Variants in C3orf18 observed in about 807,000 individuals in gnomAD.
The protein encoded by C3orf18 is uncharacterized protein C3orf18.
In C3orf18, 12 loss-of-function variants were observed where a neutral mutation model predicts 14.1. The ratio of observed to expected loss-of-function variants is 0.85; its 90% CI spans 0.55 to 1.38. The LOEUF is 1.38. Among genes scored for constraint, C3orf18 ranks in the 40% most tolerant of loss-of-function variants. The pLI is 0.00. For missense variants in C3orf18, 196 were observed against 213.9 expected, an observed-to-expected ratio of 0.92 and a Z score of 0.52; for synonymous variants, 82 against 87.9, an observed-to-expected ratio of 0.93 and a Z score of 0.38.
chr3:50,571,286 G>A (rs781100391), upstream of C3orf18: 3 of 1,611,870 alleles, frequency 1.9e-6, no homozygotes, highest in South Asian at 3.3e-5. Context: ...CCTGAGGCCC[G>A]GGAATCCAGT....
upstream of C3orf18, chr3:50,571,907 G>C: frequency 3.0e-6 from 4 of 1,352,808 alleles, no homozygotes; most frequent in Non-Finnish European, 4.2e-6. Flanking sequence ...AAGGACTAGG[G>C]AGGTGTTGGG....
Position 50,558,212 on chromosome 3 carries a change from C to A in C3orf18, c.*1445G>T. ...TGGGGGCTTCCTAGGCCTTTCCCTC[C>A]TGACACATGGCATTTGCCCAGTGGA... On this transcript the variant is annotated 3_prime_UTR_variant, in exon 6 of 6. Transcript: ENST00000357203. 6.4e-6 allele frequency: 1 copy of A among 156,382 alleles called. No individual in the cohort carries two copies. Among genetic ancestry groups the A allele is most frequent in the Admixed American group, 6.2e-5 (1 of 16,118 alleles). The allele number at this position is 156,382 out of a possible 1,614,324, so 9.7% of individuals were successfully genotyped here.
Position 50,565,846 on chromosome 3 carries a change from C to T in C3orf18, c.-147G>A, listed in dbSNP as rs978647393. 4.9e-6 allele frequency: 3 copies of T among 610,242 alleles called. No individual in the cohort carries two copies. Among genetic ancestry groups the T allele is most frequent in the Non-Finnish European group, 8.7e-6 (3 of 345,592 alleles). The allele number at this position is 610,242 out of a possible 1,614,324, so 37.8% of individuals were successfully genotyped here. A position where few individuals can be genotyped will look rare whatever the true frequency, so the allele number is the denominator to read the frequency against. The stretch of plus-strand genomic sequence containing the variant: ...CCACCTCCTTGGATAAAGGGAGCCC[C>T]CTGCCTTCCTGGGTGCTAGAAAGGA... On this transcript the variant is annotated 5_prime_UTR_variant, in exon 3 of 6. Coordinates refer to ENST00000357203, the MANE Select transcript of C3orf18 (RefSeq NM_016210.5). The surrounding 1 kb of genome is among the most constrained non-coding windows in gnomAD (Gnocchi z 4.4).
At chr3:50,567,281 C>T (rs1700368523) in intron 1 of C3orf18, among the ~76,000 whole-genome samples, 182 bp downstream of exon 1, 1 of 152,206 alleles carries the variant, frequency 6.6e-6, no homozygotes, top group African/African-American at 2.4e-5. Context: ...CCAGGCCTGC[C>T]TCAGGGTCCA....
Position 50,560,938 on chromosome 3 carries a change from A to G in C3orf18, c.387T>C (p.Ser129=), listed in dbSNP as rs747181419. 12 of 1,613,320 alleles carry G rather than the reference A, an allele frequency of 7.4e-6. No homozygotes were observed. Among genetic ancestry groups the G allele is most frequent in the Admixed American group, 1.7e-5 (1 of 59,962 alleles). Residue 129 remains serine, a synonymous_variant, in exon 5 of 6, where the codon TCT becomes TCC. Coordinates refer to ENST00000357203, the MANE Select transcript of C3orf18 (RefSeq NM_016210.5). Reference sequence around the variant, plus strand: ...CCACCTTGCCCTGCATGGCCTGCACAGAAGTAGCAGCCTGTACAGAGGCGG... The same window carrying G: ...CCACCTTGCCCTGCATGGCCTGCACGGAAGTAGCAGCCTGTACAGAGGCGG... ...RDAASVQAAT[S]VQAMQGKTTL...
intron 3 of C3orf18, chr3:50,562,274 T>A: frequency 3.7e-6 from 1 of 273,702 alleles, no homozygotes. Context: ...CCCTCCAGCC[T>A]GGGAGCCCAC....
In C3orf18 at chr3:50,561,065, C is replaced by A; in HGVS notation, c.261-1G>T. 1.2e-6 allele frequency: 2 copies of A among 1,613,682 alleles called. No homozygotes were observed. The highest frequency in any genetic ancestry group is 1.7e-6 in the Non-Finnish European group (2 of 1,179,746). On this transcript the variant is annotated splice_acceptor_variant, in intron 4 of 5. Coordinates refer to ENST00000357203, the MANE Select transcript of C3orf18 (RefSeq NM_016210.5). LOFTEE classifies it high-confidence loss of function. ...GAGCTGGTGGCGTAGCTTCTCCAGC[C>A]TGGGGATGGGGGCAAAGGCTGCTGG...
upstream of C3orf18, chr3:50,571,645 TA>T: frequency 6.9e-7 from 1 of 1,450,564 alleles, no homozygotes; most frequent in Non-Finnish European, 9.7e-7. Flanking sequence ...ATTATCCACA[TA>T]AGACACCTGG....
rs940785137 is a variant in C3orf18 at position 50,565,380 on chromosome 3, AC to A, written c.234+85del. 1.3e-5 allele frequency: 14 copies of A among 1,068,382 alleles called. No individual in the cohort carries two copies. In the African/African-American group the frequency reaches 1.4e-4, roughly 11 times the overall value. The allele number at this position is 1,068,382 out of a possible 1,614,324, so 66.2% of individuals were successfully genotyped here. On this transcript the variant is annotated intron_variant, in intron 3 of 5. Transcript: ENST00000357203. This position sits in a 1 kb window ranked among gnomAD's most constrained non-coding sequence, Gnocchi z 4.4. Reference sequence around the variant, plus strand: ...AGACTCTGTCTCAAAAACAACAATAACAACAACCAGATTGTCTTCTGATTGA... The same window carrying A: ...AGACTCTGTCTCAAAAACAACAATAAAACAACCAGATTGTCTTCTGATTGA...
chr3:50,563,136 C>T (rs1399728178), intron 3 of C3orf18, among the ~76,000 whole-genome samples: 2 of 152,168 alleles, frequency 1.3e-5, no homozygotes, highest in African/African-American at 2.4e-5. Context: ...CAGCCTGGCC[C>T]AGAGCTCCTC....
chr3:50,569,134 C>A (rs906299919), upstream of C3orf18: 6 of 152,400 alleles, frequency 3.9e-5, no homozygotes, highest in Non-Finnish European at 7.3e-5. Context: ...ACACCCGGGC[C>A]CTCTGGTGAC....
In C3orf18 at chr3:50,559,628, A is replaced by G; in HGVS notation, c.*29T>C. ...TCTGTAGGCACCGTGATGGGTCTCT[A>G]TCAGAAGTCCAGGCTTGTCCCAGGC... On this transcript the variant is annotated 3_prime_UTR_variant, in exon 6 of 6. Coordinates refer to ENST00000357203, the MANE Select transcript of C3orf18 (RefSeq NM_016210.5). 1 of 1,534,484 alleles carries G rather than the reference A, an allele frequency of 6.5e-7. No individual in the cohort carries two copies. The highest frequency in any genetic ancestry group is 1.2e-5 in the South Asian group (1 of 81,090).
chr3:50,568,669 G>T (rs1700540125), upstream of C3orf18, among the ~76,000 whole-genome samples: 1 of 146,134 alleles, frequency 6.8e-6, no homozygotes, highest in African/African-American at 2.6e-5. Context: ...AGGTTGCAGT[G>T]AGCAGAGATC....
chr3:50,559,122 G>C lies in C3orf18; in HGVS notation c.*535C>G. 1.6e-6 allele frequency: 2 copies of C among 1,289,822 alleles called. No individual in the cohort carries two copies. Among genetic ancestry groups the C allele is most frequent in the African/African-American group, 1.5e-5 (1 of 65,966 alleles). The allele number at this position is 1,289,822 out of a possible 1,614,324, so 79.9% of individuals were successfully genotyped here. Reference sequence around the variant, plus strand: ...GAATTGCCCTTCTCCTGGCATCCTTGCATACTGGACAGTTTCAGCTCCATC... The same window carrying C: ...GAATTGCCCTTCTCCTGGCATCCTTCCATACTGGACAGTTTCAGCTCCATC... On this transcript the variant is annotated 3_prime_UTR_variant, in exon 6 of 6. Transcript: ENST00000357203.
chr3:50,568,615 A>T (rs1034249128), upstream of C3orf18, among the ~76,000 whole-genome samples: 1 of 151,264 alleles, frequency 6.6e-6, no homozygotes, highest in Non-Finnish European at 1.5e-5. Context: ...AATCCCAGCT[A>T]CTTGGGAGGC....
rs1699982855 is a variant in C3orf18, at chr3:50,561,755, A to G, written c.235-8T>C. On this transcript the variant is annotated splice_region_variant and splice_polypyrimidine_tract_variant and intron_variant, in intron 3 of 5. Coordinates refer to ENST00000357203, the MANE Select transcript of C3orf18 (RefSeq NM_016210.5). ...CTTCCTGATGTACAAAACCTGCAAG[A>G]GAAGGAGCAGCATCAAATGGCAAGG... The G allele has an allele frequency of 6.2e-7, 1 of 1,613,716 alleles. No individual in the cohort carries two copies. Among genetic ancestry groups the G allele is most frequent in the Non-Finnish European group, 8.5e-7 (1 of 1,180,014 alleles).
In C3orf18 at chr3:50,565,528, C is replaced by T. The variant is rs201244488; in HGVS notation, c.172G>A (p.Gly58Ser). 4.1e-5 allele frequency: 66 copies of T among 1,614,038 alleles called. No homozygotes were observed. The East Asian group carries it at 6.5e-4, about 16-fold the overall frequency. Residue 58 changes from glycine (G) to serine (S), a missense_variant, in exon 3 of 6, where the codon GGC becomes AGC. Gly to Ser is a moderately conservative substitution (Grantham distance 56). Transcript: ENST00000357203. The surrounding 1 kb of genome is among the most constrained non-coding windows in gnomAD (Gnocchi z 4.4). ...RIPDAAGGTA[G>S]VGTMLLSFGI... ...AAGGACAGAAGCATGGTACCCACGC[C>T]GGCCGTGCCACCAGCTGCATCAGGG...
chr3:50,566,119 G>A (rs1013373346), intron 1 of C3orf18, 25 bp from the exon 2 acceptor site: 1 of 157,742 alleles, frequency 6.3e-6, no homozygotes, highest in Non-Finnish European at 1.4e-5. Flanking sequence ...AGGCAGCGGG[G>A]ATGTTTGAAA....
intron 3 of C3orf18, among the ~76,000 whole-genome samples, chr3:50,562,156 C>T (rs1240444127): frequency 6.6e-6 from 1 of 152,212 alleles, no homozygotes; most frequent in Non-Finnish European, 1.5e-5. Flanking sequence ...CCTCGGCCTC[C>T]CAAAGTGCTG....
Sources: gnomAD v4.1 joint callset for allele counts (sites outside exome capture counted in the v4.1 genomes callset) on GRCh38, gnomAD v4.1.1 for gene constraint, Gnocchi (gnomAD v3.1) non-coding constraint, MANE v1.5 for transcripts, NCBI Gene and HGNC (gene_info 2026-07-23, HGNC 2026-07-21) for gene names.